Variants in ACOXL observed in about 807,000 individuals in gnomAD.
ACOXL encodes acyl-CoA oxidase like.
ACOXL carries 70 observed loss-of-function variants against 71.9 expected under a neutral mutation model. The ratio of observed to expected loss-of-function variants is 0.97; its 90% CI spans 0.80 to 1.19. ACOXL has a LOEUF of 1.19. ACOXL is among the 50% of genes most tolerant of loss of function. ACOXL has a pLI of 0.00. For missense variants in ACOXL, 703 were observed against 736.3 expected, an observed-to-expected ratio of 0.95 and a Z score of 0.52; for synonymous variants, 253 against 281.6, an observed-to-expected ratio of 0.90 and a Z score of 1.02.
intron 17 of ACOXL, among the ~76,000 whole-genome samples, chr2:111,111,381 T>C (rs923869876): frequency 2.0e-5 from 3 of 152,212 alleles, no homozygotes; most frequent in Non-Finnish European, 2.9e-5. Flanking sequence ...ATTACAGGCA[T>C]GAGCCACTGT....
intron 1 of ACOXL, among the ~76,000 whole-genome samples, chr2:110,743,244 C>T (rs1399916670): frequency 6.6e-6 from 1 of 152,192 alleles, no homozygotes; most frequent in East Asian, 1.9e-4. Context: ...AATACCAATA[C>T]TTCAATTCTT....
chr2:110,907,152 G>C (rs112218537), intron 10 of ACOXL, among the ~76,000 whole-genome samples: 2 of 152,186 alleles, frequency 1.3e-5, no homozygotes, highest in African/African-American at 4.8e-5. Flanking sequence ...TGGTGAGGGC[G>C]CTTTTCCTGG....
At chr2:110,951,987 C>T (rs2061349209) in intron 12 of ACOXL, among the ~76,000 whole-genome samples, 1 of 152,206 alleles carries the variant, frequency 6.6e-6, no homozygotes, top group Non-Finnish European at 1.5e-5. Context: ...CAGGCTACAT[C>T]ACTCTCATTA....
chr2:110,765,785 C>G (rs1351435284), intron 1 of ACOXL, among the ~76,000 whole-genome samples: 1 of 152,154 alleles, frequency 6.6e-6, no homozygotes, highest in East Asian at 1.9e-4. Flanking sequence ...TTAATCATCT[C>G]CCAGAGCCCC....
intron 14 of ACOXL, among the ~76,000 whole-genome samples, chr2:111,008,427 G>A (rs186909426): frequency 3.8e-3 from 575 of 151,830 alleles, no homozygotes; most frequent in Non-Finnish European, 4.0e-3. Flanking sequence ...TATCCTTCCT[G>A]TATTTCTTTC....
chr2:110,941,796 T>C (rs1490935413), intron 12 of ACOXL, among the ~76,000 whole-genome samples: 2 of 152,134 alleles, frequency 1.3e-5, no homozygotes, highest in African/African-American at 4.8e-5. Context: ...CACCAACAGA[T>C]CTTTATCATA....
At chr2:110,901,450 G>A (rs968710049) in intron 10 of ACOXL, among the ~76,000 whole-genome samples, 1 of 152,150 alleles carries the variant, frequency 6.6e-6, no homozygotes, top group Admixed American at 6.5e-5. Flanking sequence ...TGAGAATCAT[G>A]TATTCTATTC....
At chr2:110,956,954 A>T (rs1574276234) in intron 12 of ACOXL, among the ~76,000 whole-genome samples, 1 of 152,110 alleles carries the variant, frequency 6.6e-6, no homozygotes, top group East Asian at 1.9e-4. Context: ...AGAGCGGAGG[A>T]GCTGTCTACC....
At chr2:110,883,980 T>C (rs958110454) in intron 10 of ACOXL, among the ~76,000 whole-genome samples, 2 of 152,154 alleles carry the variant, frequency 1.3e-5, no homozygotes, top group African/African-American at 4.8e-5. Context: ...CAACGTGGTG[T>C]TACAAAAAGT....
At chr2:110,778,990 T>G (rs975753777) in intron 2 of ACOXL, among the ~76,000 whole-genome samples, 20 of 152,302 alleles carry the variant, frequency 1.3e-4, no homozygotes, top group African/African-American at 4.8e-4. Flanking sequence ...GTAATTACAC[T>G]AATAATCAGA....
chr2:110,947,405 CAT>C (rs1169455368), intron 12 of ACOXL, among the ~76,000 whole-genome samples: 4 of 152,284 alleles, frequency 2.6e-5, no homozygotes, highest in Admixed American at 6.5e-5. Context: ...GGTCCCTTGT[CAT>C]GGAAGGGGAG....
intron 17 of ACOXL, among the ~76,000 whole-genome samples, chr2:111,107,821 T>C (rs2069654190): frequency 6.6e-6 from 1 of 152,204 alleles, no homozygotes; most frequent in Non-Finnish European, 1.5e-5. Context: ...GAAAATGGTA[T>C]CTGAAAGGAC....
intron 9 of ACOXL, among the ~76,000 whole-genome samples, chr2:110,839,646 A>G (rs909061184): frequency 7.2e-5 from 11 of 152,282 alleles, no homozygotes; most frequent in Middle Eastern, 3.4e-3. Context: ...GGATGCCTGC[A>G]GTGGTATGCA....
At chr2:110,778,710 A>G (rs1368838761) in intron 2 of ACOXL, among the ~76,000 whole-genome samples, 2 of 152,244 alleles carry the variant, frequency 1.3e-5, no homozygotes, top group Admixed American at 1.3e-4. Flanking sequence ...TTGTCCAGAC[A>G]GTGTTTGGGC....
chr2:110,743,644 C>T lies in ACOXL; in HGVS notation c.-23+10870C>T, dbSNP rs142799857. Among the ~76,000 whole-genome samples the T allele has an allele frequency of 1.0e-3, 156 of 152,240 alleles. 1 individual carries two copies. The highest frequency in any genetic ancestry group is 3.4e-3 in the Middle Eastern group (1 of 292). ...CTCGATTGACCAGGACTGAGGCTGG[C>T]GGAAGGACCAATGCACCATTCAGAG... On this transcript the variant is annotated intron_variant, in intron 1 of 17. Transcript: ENST00000439055.
intron 1 of ACOXL, among the ~76,000 whole-genome samples, chr2:110,756,371 C>T (rs927265686): frequency 2.6e-5 from 4 of 152,140 alleles, no homozygotes; most frequent in Non-Finnish European, 5.9e-5. Flanking sequence ...TCAGTTGATC[C>T]GCCCACATTG....
chr2:110,777,352 G>A (rs1283889493), intron 2 of ACOXL, among the ~76,000 whole-genome samples: 1 of 152,196 alleles, frequency 6.6e-6, no homozygotes, highest in Non-Finnish European at 1.5e-5. Context: ...GGGCTCATAA[G>A]CATTTTACAT....
At chr2:110,737,983 G>A (rs1281177397) in intron 1 of ACOXL, among the ~76,000 whole-genome samples, 1 of 152,170 alleles carries the variant, frequency 6.6e-6, no homozygotes, top group African/African-American at 2.4e-5. Context: ...TGACTGCTTT[G>A]GTCAACAGAA....
chr2:110,872,765 G>A (rs778005323), intron 10 of ACOXL, among the ~76,000 whole-genome samples: 2 of 152,216 alleles, frequency 1.3e-5, no homozygotes, highest in Non-Finnish European at 2.9e-5. Flanking sequence ...TAATGTTTCT[G>A]TTAACCTGGA....
Sources: allele counts gnomAD v4.1 joint callset (sites outside exome capture counted in the v4.1 genomes callset), GRCh38; gene constraint gnomAD v4.1.1; transcripts MANE v1.5; gene names NCBI Gene and HGNC (gene_info 2026-07-23, HGNC 2026-07-21).